The following FCGR1A variants were observed in gnomAD, a reference collection of about 807,000 sequenced individuals.
FCGR1A encodes the protein Fc gamma receptor Ia, also known as high affinity immunoglobulin gamma Fc receptor I.
In FCGR1A, 13 loss-of-function variants were observed where a neutral mutation model predicts 35.0. That is an observed-to-expected ratio of 0.37 (90% confidence interval 0.24 to 0.59). The LOEUF is 0.59. Among genes scored for constraint, FCGR1A ranks in the 20% least tolerant of loss-of-function variants. The pLI is 0.71. For missense variants in FCGR1A, 227 were observed against 430.0 expected (o/e 0.53, Z 4.17); for synonymous variants, 91 against 164.7 (o/e 0.55, Z 3.43).
At chr1:149,790,448 C>T in intron 5 of FCGR1A, 110 bp downstream of exon 5, 1 of 1,532,738 alleles carries the variant, frequency 6.5e-7, no homozygotes, top group Non-Finnish European at 8.8e-7. Context: ...GGGAAAGTCT[C>T]TTCAGGAAAA....
Position 149,790,343 on chromosome 1 carries a change from G to C in FCGR1A, c.844+5G>C. Reference sequence around the variant, plus strand: ...AGTTGGAGCTTCAAGTGCTTGGTGAGTGAGAATGACGGGAAGCCACTGGCA... The same window carrying C: ...AGTTGGAGCTTCAAGTGCTTGGTGACTGAGAATGACGGGAAGCCACTGGCA... On this transcript the variant is annotated splice_donor_5th_base_variant and intron_variant, in intron 5 of 5. Transcript: ENST00000369168. 6.3e-7 allele frequency: 1 copy of C among 1,586,254 alleles called. No homozygotes were observed. Among genetic ancestry groups the C allele is most frequent in the Non-Finnish European group, 8.6e-7 (1 of 1,166,548 alleles).
downstream of FCGR1A, among the ~76,000 whole-genome samples, chr1:149,794,506 AG>A (rs1395425826): frequency 8.6e-6 from 1 of 115,720 alleles, no homozygotes; most frequent in Non-Finnish European, 1.8e-5. Flanking sequence ...ATTTAGAGTC[AG>A]GGGACTAGAA....
chr1:149,794,082 C>T (rs1301060176), downstream of FCGR1A: 2 of 523,556 alleles, frequency 3.8e-6, no homozygotes, highest in South Asian at 3.0e-5. Context: ...AGACAGATTC[C>T]TCGGGCTGTA....
At position 149,784,126 on chromosome 1, in the gene FCGR1A, A is replaced by G; in HGVS notation, c.176A>G (p.Asn59Ser). Residue 59 changes from asparagine (N) to serine (S), a missense_variant, in exon 3 of 6, where the codon AAT becomes AGT. Around this residue, in one of 3 missense-constraint regions of FCGR1A, gnomAD observed 185 missense variants for 306.6 expected, o/e 0.60. Transcript: ENST00000369168. ...AGCAGCTCTACACAGTGGTTTCTCA[A>G]TGGCACAGCCACTCAGACCTCGACC... ...PGSSSTQWFLNGTATQTSTPS... is the reference protein window; with the variant it reads ...PGSSSTQWFLSGTATQTSTPS... The G allele has an allele frequency of 6.2e-7, 1 of 1,611,782 alleles. No individual in the cohort carries two copies. The highest frequency in any genetic ancestry group is 8.5e-7 in the Non-Finnish European group (1 of 1,179,836).
intron 3 of FCGR1A, chr1:149,786,351 T>A (rs1358740887): frequency 6.6e-6 from 1 of 152,202 alleles, no homozygotes; most frequent in Non-Finnish European, 1.5e-5. Context: ...TTCAAGTGTC[T>A]TAAATATCTT....
chr1:149,791,150 C>T (rs1553751790), intron 5 of FCGR1A, 87 bp from the exon 6 acceptor site: 1 of 1,601,918 alleles, frequency 6.2e-7, no homozygotes, highest in African/African-American at 1.3e-5. Flanking sequence ...CATCAGGTCT[C>T]AGCCAACCTT....
At chr1:149,793,052 G>A (rs1488503901), downstream of FCGR1A, 5 of 1,261,110 alleles carry the variant, frequency 4.0e-6, no homozygotes, top group Admixed American at 2.6e-5. Context: ...GCCCCGGCGC[G>A]GCGCCACCTG....
intron 4 of FCGR1A, among the ~76,000 whole-genome samples, 191 bp from the exon 5 acceptor site, chr1:149,789,863 C>A (rs1378622137): frequency 3.9e-5 from 6 of 152,138 alleles, no homozygotes; most frequent in Non-Finnish European, 7.3e-5. Context: ...TAGGACTCAG[C>A]AAGCTGGCAA....
chr1:149,784,613 GCAGTCACCTTC>G (rs1222549059), intron 3 of FCGR1A, among the ~76,000 whole-genome samples: 2 of 150,852 alleles, frequency 1.3e-5, no homozygotes, highest in Non-Finnish European at 2.9e-5. Context: ...ACCTAGATCT[GCAGTCACCTTC>G]CACAGAAACA....
intron 3 of FCGR1A, among the ~76,000 whole-genome samples, chr1:149,784,523 G>A (rs2091487398): frequency 6.6e-6 from 1 of 151,978 alleles, no homozygotes; most frequent in Non-Finnish European, 1.5e-5. Context: ...TATTCCAAAT[G>A]TATGCCTGTA....
chr1:149,789,421 G>GATAATAATAATA lies in FCGR1A; in HGVS notation c.560-631_560-630insAATAATAATAAT, dbSNP rs1559745935. ...TAATAATAATAATAATAATAATAAT[G>GATAATAATAATA]ATGATAATAAAGTCACTGAAATGGC... On this transcript the variant is annotated intron_variant, in intron 4 of 5. Transcript: ENST00000369168. 5.1e-3 allele frequency among the ~76,000 whole-genome samples: 735 copies of GATAATAATAATA among 144,890 alleles called. 11 individuals carry two copies. Among genetic ancestry groups the GATAATAATAATA allele is most frequent in the African/African-American group, 0.02 (700 of 35,554 alleles).
At chr1:149,784,413 A>C (rs1201332885) in intron 3 of FCGR1A, among the ~76,000 whole-genome samples, 156 bp downstream of exon 3, 2 of 152,104 alleles carry the variant, frequency 1.3e-5, no homozygotes. Context: ...TACTCAAAAC[A>C]TCACAGCAGG....
chr1:149,784,257 G>T lies in FCGR1A; in HGVS notation c.307G>T (p.Gly103Cys), dbSNP rs1289545734. 6.2e-7 allele frequency: 1 copy of T among 1,611,052 alleles called. No individual in the cohort carries two copies. The highest frequency in any genetic ancestry group is 8.5e-7 in the Non-Finnish European group (1 of 1,179,820). Reference protein sequence around the residue: ...SDPIQLEIHRGWLLLQVSSRV... With the variant: ...SDPIQLEIHRCWLLLQVSSRV... ...CCCCATACAGCTGGAAATCCACAGAGGTAATTATGACTTGGACCAGGAGGG... is the reference window on the plus strand; with the variant it reads ...CCCCATACAGCTGGAAATCCACAGATGTAATTATGACTTGGACCAGGAGGG... Residue 103 changes from glycine (G) to cysteine (C), a missense_variant and splice_region_variant, in exon 3 of 6, where the codon GGC becomes TGC. Physicochemically the swap from Gly to Cys is radical, Grantham distance 159 (BLOSUM62 -3). Transcript: ENST00000369168.
At chr1:149,793,084 A>G (rs1553752340), downstream of FCGR1A, 1 of 1,274,398 alleles carries the variant, frequency 7.8e-7, no homozygotes, top group Non-Finnish European at 1.0e-6. Context: ...TGGAGGTTGC[A>G]GCTGCCGCCA....
the FCGR1A span, among the ~76,000 whole-genome samples, chr1:149,797,626 C>G: frequency 1.3e-5 from 2 of 152,244 alleles, no homozygotes; most frequent in South Asian, 4.1e-4. Context: ...AAACTTAATT[C>G]TCTCTCTGTT....
Position 149,791,630 on chromosome 1 carries a change from G to A in FCGR1A, c.*113G>A, listed in dbSNP as rs2091716335. The A allele has an allele frequency of 6.6e-7, 1 of 1,519,598 alleles. No homozygotes were observed. The highest frequency in any genetic ancestry group is 8.8e-7 in the Non-Finnish European group (1 of 1,134,986). 94.1% of individuals were successfully genotyped at this position (1,519,598 alleles called of 1,614,324 possible). A position where few individuals can be genotyped will look rare whatever the true frequency, so the allele number is the denominator to read the frequency against. On this transcript the variant is annotated 3_prime_UTR_variant, in exon 6 of 6. Transcript: ENST00000369168. ...ACAACACCAGAACTGTGTGTCTCATGGTATGTAACTCTTAAAGCAAATAAA... is the reference window on the plus strand; with the variant it reads ...ACAACACCAGAACTGTGTGTCTCATAGTATGTAACTCTTAAAGCAAATAAA...
chr1:149,790,026 C>T (rs1553751495), intron 4 of FCGR1A, 28 bp from the exon 5 acceptor site: 1 of 1,611,702 alleles, frequency 6.2e-7, no homozygotes, highest in South Asian at 1.1e-5. Flanking sequence ...AAACAGGCAA[C>T]CTTGTCCCCC....
chr1:149,793,433 G>A (rs1473822902), downstream of FCGR1A, among the ~76,000 whole-genome samples: 2 of 152,106 alleles, frequency 1.3e-5, no homozygotes, highest in Non-Finnish European at 2.9e-5. Context: ...GGGAACCGCC[G>A]AGCTTCACCC....
chr1:149,800,495 G>C, the FCGR1A span, among the ~76,000 whole-genome samples: 21 of 144,112 alleles, frequency 1.5e-4, no homozygotes, highest in African/African-American at 5.5e-4. Context: ...GGGGCTGCCA[G>C]ACATCAGTCA....
Sources: gnomAD v4.1 joint callset for allele counts (sites outside exome capture counted in the v4.1 genomes callset) on GRCh38, gnomAD v4.1.1 for gene constraint, gnomAD v4.1.1 regional missense constraint, MANE v1.5 for transcripts, NCBI Gene and HGNC (gene_info 2026-07-23, HGNC 2026-07-21) for gene names.